Variants in MAGI2 observed in about 807,000 individuals in gnomAD.
The protein encoded by MAGI2 is membrane-associated guanylate kinase, WW and PDZ domain-containing protein 2.
Under a neutral mutation model 133.3 loss-of-function variants are expected in MAGI2, and 35 were observed. The ratio of observed to expected loss-of-function variants is 0.26; its 90% CI spans 0.20 to 0.35. The LOEUF is 0.35. MAGI2 is among the 10% of genes least tolerant of loss of function. The pLI, the probability that MAGI2 is intolerant of heterozygous loss-of-function variation, is 1.00. For missense variants in MAGI2, 1,636 were observed against 1,863.4 expected, an observed-to-expected ratio of 0.88 and a Z score of 2.25; for synonymous variants, 729 against 710.6, an observed-to-expected ratio of 1.03 and a Z score of -0.41.
intron 10 of MAGI2, among the ~76,000 whole-genome samples, chr7:78,220,346 C>A (rs1441256651): frequency 6.6e-6 from 1 of 152,166 alleles, no homozygotes; most frequent in African/African-American, 2.4e-5. Flanking sequence ...GTCCCCCCAC[C>A]CATGGTACCC....
rs149020884 is a variant in MAGI2, at chr7:78,937,991, C to T, written c.418+69099G>A. Among the ~76,000 whole-genome samples the T allele has an allele frequency of 7.3e-3, 1,109 of 151,874 alleles. 12 individuals are homozygous for T. Among genetic ancestry groups the T allele is most frequent in the Middle Eastern group, 0.014 (4 of 292 alleles). Reference sequence around the variant, plus strand: ...AAGAAAATTGATAGAATGATGTGGACGATAAAAAGATGAATATTTCATCAT... The same window carrying T: ...AAGAAAATTGATAGAATGATGTGGATGATAAAAAGATGAATATTTCATCAT... On this transcript the variant is annotated intron_variant, in intron 2 of 21. Transcript: ENST00000354212.
chr7:79,157,858 T>C (rs116180520), intron 1 of MAGI2, among the ~76,000 whole-genome samples: 5,949 of 149,782 alleles, frequency 0.04, 172 homozygotes, highest in African/African-American at 0.079. Flanking sequence ...AAGTTTTTTT[T>C]TTTTTTTTTT....
At chr7:78,270,330 G>A (rs1023863867) in intron 9 of MAGI2, among the ~76,000 whole-genome samples, 2 of 152,114 alleles carry the variant, frequency 1.3e-5, no homozygotes, top group Admixed American at 6.6e-5. Context: ...GATGGGGATA[G>A]CATTGAGTCT....
chr7:78,114,582 C>T (rs1192602925), intron 20 of MAGI2, among the ~76,000 whole-genome samples: 1 of 152,204 alleles, frequency 6.6e-6, no homozygotes, highest in Non-Finnish European at 1.5e-5. Context: ...ACATTTATGG[C>T]CCAGACAAGC....
intron 3 of MAGI2, among the ~76,000 whole-genome samples, chr7:78,548,807 G>A (rs1313258573): frequency 2.0e-5 from 3 of 152,182 alleles, no homozygotes; most frequent in Non-Finnish European, 4.4e-5. Context: ...TACCAGAATA[G>A]AAAACAGTGG....
intron 2 of MAGI2, among the ~76,000 whole-genome samples, chr7:78,858,908 A>T (rs2151495579): frequency 6.6e-6 from 1 of 152,216 alleles, no homozygotes; most frequent in African/African-American, 2.4e-5. Flanking sequence ...TTGCTTTATG[A>T]ATCTGGGTGC....
chr7:79,384,512 A>T (rs946830226), intron 1 of MAGI2, among the ~76,000 whole-genome samples: 24 of 151,642 alleles, frequency 1.6e-4, no homozygotes, highest in Non-Finnish European at 3.0e-4. Flanking sequence ...TTCTTTGAAA[A>T]TGTAAGCAAT....
intron 6 of MAGI2, chr7:78,486,611 T>G: frequency 3.4e-6 from 1 of 293,838 alleles, no homozygotes; most frequent in East Asian, 8.4e-5. Context: ...TTGGGAGTTG[T>G]GGGTGCAGTG....
chr7:78,175,244 C>T (rs1360855332), intron 14 of MAGI2, among the ~76,000 whole-genome samples: 1 of 152,154 alleles, frequency 6.6e-6, no homozygotes, highest in Non-Finnish European at 1.5e-5. Context: ...GCTAGGAACA[C>T]AACATCTTGA....
chr7:78,532,478 G>C (rs1338137090), intron 3 of MAGI2, among the ~76,000 whole-genome samples: 1 of 152,088 alleles, frequency 6.6e-6, no homozygotes, highest in Admixed American at 6.5e-5. Context: ...ATCCCTGTTG[G>C]TGAATTAGAG....
At chr7:78,593,120 C>A (rs916791292) in intron 3 of MAGI2, among the ~76,000 whole-genome samples, 10 of 46,916 alleles carry the variant, frequency 2.1e-4, no homozygotes, top group Admixed American at 3.6e-4. Context: ...CGCACCTGGC[C>A]CCTGATTTTT....
chr7:79,248,811 T>A (rs1242285193), intron 1 of MAGI2, among the ~76,000 whole-genome samples: 4 of 151,856 alleles, frequency 2.6e-5, no homozygotes, highest in Non-Finnish European at 5.9e-5. Flanking sequence ...TTTCTTGAAA[T>A]AAATTATAAT....
chr7:78,932,343 T>C (rs10237976), intron 2 of MAGI2, among the ~76,000 whole-genome samples: 4,974 of 152,212 alleles, frequency 0.033, 253 homozygotes, highest in African/African-American at 0.11. Flanking sequence ...TATATTTTTC[T>C]ATAGCACAGG....
intron 2 of MAGI2, among the ~76,000 whole-genome samples, chr7:78,646,178 G>C (rs1810872089): frequency 6.6e-6 from 1 of 152,116 alleles, no homozygotes; most frequent in Admixed American, 6.5e-5. Flanking sequence ...AATTGTATCT[G>C]CAATATTTTA....
At chr7:79,315,096 G>T (rs947227493) in intron 1 of MAGI2, among the ~76,000 whole-genome samples, 5 of 151,498 alleles carry the variant, frequency 3.3e-5, no homozygotes, top group Non-Finnish European at 7.4e-5. Context: ...CTTCACATTT[G>T]CAACTCTACG....
chr7:78,124,789 C>G (rs1820807381), intron 20 of MAGI2, among the ~76,000 whole-genome samples: 1 of 151,800 alleles, frequency 6.6e-6, no homozygotes, highest in Non-Finnish European at 1.5e-5. Flanking sequence ...ACCCATCAAT[C>G]AGATGCCTCA....
chr7:78,668,926 C>T (rs1156241870), intron 2 of MAGI2, among the ~76,000 whole-genome samples: 5 of 151,766 alleles, frequency 3.3e-5, no homozygotes, highest in Non-Finnish European at 5.9e-5. Flanking sequence ...AAGCAGTGCG[C>T]AGAGGGAAAT....
At chr7:78,659,225 C>T (rs534175879) in intron 2 of MAGI2, among the ~76,000 whole-genome samples, 9 of 151,678 alleles carry the variant, frequency 5.9e-5, no homozygotes, top group South Asian at 2.1e-4. Flanking sequence ...CCGAGGCAGG[C>T]GGATCACGAG....
intron 1 of MAGI2, among the ~76,000 whole-genome samples, chr7:79,026,078 A>G (rs1223275000): frequency 1.3e-5 from 2 of 152,352 alleles, no homozygotes; most frequent in Admixed American, 6.5e-5. Flanking sequence ...TCTATCAGTT[A>G]AAATTTCCTG....
Sources: allele counts gnomAD v4.1 joint callset (sites outside exome capture counted in the v4.1 genomes callset), GRCh38; gene constraint gnomAD v4.1.1; transcripts MANE v1.5; gene names NCBI Gene and HGNC (gene_info 2026-07-23, HGNC 2026-07-21).